The following KDM7A variants were observed in gnomAD, a reference collection of about 807,000 sequenced individuals.
KDM7A encodes lysine demethylase 7A, also known as lysine-specific demethylase 7A.
A neutral mutation model predicts 114.8 loss-of-function variants in KDM7A; 28 were observed. That is an observed-to-expected ratio of 0.24 (90% confidence interval 0.18 to 0.33). KDM7A has a LOEUF of 0.33. KDM7A is among the 10% of genes least tolerant of loss of function. The pLI, the probability that KDM7A is intolerant of heterozygous loss-of-function variation, is 1.00. For missense variants in KDM7A, 942 were observed against 1,142.5 expected (o/e 0.82, Z 2.53); for synonymous variants, 423 against 397.8 (o/e 1.06, Z -0.75).
intron 1 of KDM7A, among the ~76,000 whole-genome samples, chr7:140,162,748 G>C (rs947480463): frequency 6.6e-6 from 1 of 152,002 alleles, no homozygotes; most frequent in Non-Finnish European, 1.5e-5. Context: ...CCAAATGCTC[G>C]CCAAGAATAA....
chr7:140,167,670 T>A (rs1794593409), intron 1 of KDM7A, among the ~76,000 whole-genome samples: 1 of 151,774 alleles, frequency 6.6e-6, no homozygotes, highest in Non-Finnish European at 1.5e-5. Flanking sequence ...CACACAAGTA[T>A]TAGAAAAAAA....
At position 140,176,349 on chromosome 7, in the gene KDM7A, G is replaced by A. The variant is rs1372003576; in HGVS notation, c.194+395C>T. Reference sequence around the variant, plus strand: ...GGCGACTCCGGCCGGAGCCCCGGGCGCGGCGGGGCGGGGCGGGGCGGCGGC... The same window carrying A: ...GGCGACTCCGGCCGGAGCCCCGGGCACGGCGGGGCGGGGCGGGGCGGCGGC... On this transcript the variant is annotated intron_variant, in intron 1 of 19. Transcript: ENST00000397560. This position sits in a 1 kb window ranked among gnomAD's most constrained non-coding sequence, Gnocchi z 4.4. 1.4e-5 allele frequency among the ~76,000 whole-genome samples: 2 copies of A among 142,870 alleles called. No individual in the cohort carries two copies. The highest frequency in any genetic ancestry group is 3.1e-5 in the Non-Finnish European group (2 of 65,192). 93.7% of individuals were successfully genotyped at this position (142,870 alleles called of 152,430 possible).
intron 1 of KDM7A, among the ~76,000 whole-genome samples, chr7:140,143,125 A>G (rs993641500): frequency 3.3e-5 from 5 of 149,878 alleles, no homozygotes; most frequent in African/African-American, 1.2e-4. Flanking sequence ...GCTTGCAGTG[A>G]GCCGAGATGG....
At chr7:140,155,772 A>G (rs949267031) in intron 1 of KDM7A, among the ~76,000 whole-genome samples, 4 of 152,210 alleles carry the variant, frequency 2.6e-5, no homozygotes, top group African/African-American at 9.6e-5. Flanking sequence ...AAGATAACTA[A>G]GGTCCGTGAT....
chr7:140,106,422 T>A (rs558741187), intron 11 of KDM7A, among the ~76,000 whole-genome samples: 2 of 152,344 alleles, frequency 1.3e-5, no homozygotes, highest in South Asian at 4.1e-4. Context: ...TTGTGGGCAT[T>A]TAGTGCTATA....
chr7:140,123,965 A>G (rs139553705), intron 7 of KDM7A, among the ~76,000 whole-genome samples: 3,808 of 151,738 alleles, frequency 0.025, 166 homozygotes, highest in African/African-American at 0.088. Context: ...AGCTACTTGG[A>G]AGGCTGAGGC....
rs201424821 is a variant in KDM7A, at chr7:140,102,152, G to A, written c.1437C>T (p.Asn479=). ...TTCCCTGAGATTTAACTGGTTTGCC[G>A]TTTTCCTCCTTTAAGAATTAAAATC... ...SKVIRAIEEE[N]GKPVKSQGIP... Residue 479 remains asparagine, a synonymous_variant, in exon 12 of 20, where the codon AAC becomes AAT. Transcript: ENST00000397560. The A allele has an allele frequency of 1.5e-5, 24 of 1,611,728 alleles. No homozygotes were observed. The highest frequency in any genetic ancestry group is 4.4e-5 in the South Asian group (4 of 91,030).
intron 1 of KDM7A, among the ~76,000 whole-genome samples, chr7:140,149,614 G>C (rs990435616): frequency 6.6e-6 from 1 of 152,326 alleles, no homozygotes; most frequent in South Asian, 2.1e-4. Context: ...GGCTGGGTAT[G>C]AGGAATGTCT....
intron 1 of KDM7A, among the ~76,000 whole-genome samples, chr7:140,155,523 C>G (rs545024192): frequency 6.6e-6 from 1 of 152,298 alleles, no homozygotes; most frequent in Middle Eastern, 3.4e-3. Flanking sequence ...CCTTTTGTCA[C>G]CAGTGTATCA....
At chr7:140,139,248 A>G (rs1339918140) in intron 1 of KDM7A, 58 bp from the exon 2 acceptor site, 10 of 1,158,350 alleles carry the variant, frequency 8.6e-6, no homozygotes, top group Admixed American at 1.8e-5. Context: ...TCGCTTAACT[A>G]TAATACAGTG....
chr7:140,121,399 T>C (rs1199514065), intron 7 of KDM7A, among the ~76,000 whole-genome samples: 1 of 152,204 alleles, frequency 6.6e-6, no homozygotes, highest in Non-Finnish European at 1.5e-5. Flanking sequence ...GACCCCTCAC[T>C]GAACTGTAAC....
chr7:140,092,626 T>A (rs1818040696), intron 18 of KDM7A, among the ~76,000 whole-genome samples: 1 of 152,212 alleles, frequency 6.6e-6, no homozygotes, highest in Non-Finnish European at 1.5e-5. Context: ...CGCTACTGAT[T>A]GATGAGTCTT....
intron 1 of KDM7A, among the ~76,000 whole-genome samples, chr7:140,155,260 C>G (rs1031922335): frequency 2.6e-5 from 4 of 152,194 alleles, no homozygotes; most frequent in African/African-American, 9.6e-5. Context: ...AAATACAAGA[C>G]CTACATAAGA....
chr7:140,154,709 A>G (rs1479620815), intron 1 of KDM7A, among the ~76,000 whole-genome samples: 1 of 152,008 alleles, frequency 6.6e-6, no homozygotes, highest in Non-Finnish European at 1.5e-5. Flanking sequence ...TAAGTGATAA[A>G]TACTGTACCC....
Position 140,099,229 on chromosome 7 carries a change from C to T in KDM7A, c.1764-196G>A, listed in dbSNP as rs189980421. ...TTGTTTTTTGAGACAGGGTCTTGCTCTGTTGCCCTGGCTGGAGTGCAGTGG... is the reference window on the plus strand; with the variant it reads ...TTGTTTTTTGAGACAGGGTCTTGCTTTGTTGCCCTGGCTGGAGTGCAGTGG... On this transcript the variant is annotated intron_variant, in intron 13 of 19. Coordinates refer to ENST00000397560, the MANE Select transcript of KDM7A (RefSeq NM_030647.2). 4.1e-3 allele frequency among the ~76,000 whole-genome samples: 622 copies of T among 152,226 alleles called. 1 individual carries two copies. Among genetic ancestry groups the T allele is most frequent in the African/African-American group, 0.014 (584 of 41,514 alleles).
chr7:140,135,025 C>T (rs28673447), intron 2 of KDM7A, among the ~76,000 whole-genome samples: 3 of 129,944 alleles, frequency 2.3e-5, no homozygotes, highest in South Asian at 4.9e-4. Flanking sequence ...TATGGAAGAG[C>T]GTAAGTCCCA....
intron 8 of KDM7A, 58 bp downstream of exon 8, chr7:140,120,384 A>C: frequency 9.8e-7 from 1 of 1,017,798 alleles, no homozygotes; most frequent in Non-Finnish European, 1.5e-6. Flanking sequence ...AAGTTAAAAA[A>C]AAAAGTATCC....
chr7:140,171,015 A>T (rs1216183606), intron 1 of KDM7A, among the ~76,000 whole-genome samples: 2 of 151,976 alleles, frequency 1.3e-5, no homozygotes, highest in African/African-American at 4.8e-5. Flanking sequence ...GCTTGCACTC[A>T]GGAGTTCAAG....
At chr7:140,172,531 T>C (rs1794657310) in intron 1 of KDM7A, among the ~76,000 whole-genome samples, 1 of 152,008 alleles carries the variant, frequency 6.6e-6, no homozygotes, top group South Asian at 2.1e-4. Context: ...CGGGTGCCTG[T>C]AGTCCCAGCT....
Sources: gnomAD v4.1 joint callset for allele counts (sites outside exome capture counted in the v4.1 genomes callset) on GRCh38, gnomAD v4.1.1 for gene constraint, Gnocchi (gnomAD v3.1) non-coding constraint, MANE v1.5 for transcripts, NCBI Gene and HGNC (gene_info 2026-07-23, HGNC 2026-07-21) for gene names.